ALG5: variants seen among roughly 807,000 people sequenced by gnomAD.
ALG5 encodes dolichyl-phosphate beta-glucosyltransferase.
ALG5 carries 26 observed loss-of-function variants against 51.8 expected under a neutral mutation model. That is an observed-to-expected ratio of 0.50 (90% CI 0.37 to 0.70). The LOEUF is 0.70. Ranked by LOEUF, ALG5 falls within the 30% of genes least tolerant of loss-of-function variation. The pLI, the probability that ALG5 is intolerant of heterozygous loss-of-function variation, is 0.00. For missense variants in ALG5, 311 were observed against 399.3 expected, an observed-to-expected ratio of 0.78 and a Z score of 1.88; for synonymous variants, 141 against 136.1, an observed-to-expected ratio of 1.04 and a Z score of -0.25.
At chr13:36,977,957 G>T (rs1439031818) in intron 6 of ALG5, among the ~76,000 whole-genome samples, 2 of 149,614 alleles carry the variant, frequency 1.3e-5, no homozygotes, top group African/African-American at 4.9e-5. Context: ...CAAGATCTCG[G>T]CTCATTGCAA....
chr13:36,982,076 G>A (rs1387961183), intron 6 of ALG5, among the ~76,000 whole-genome samples: 3 of 152,200 alleles, frequency 2.0e-5, no homozygotes, highest in Admixed American at 6.5e-5. Context: ...GGATGACAAA[G>A]CGAGACTCTG....
At chr13:36,950,298 A>T (rs2058812607) in intron 9 of ALG5, among the ~76,000 whole-genome samples, 1 of 152,214 alleles carries the variant, frequency 6.6e-6, no homozygotes, top group South Asian at 2.1e-4. Flanking sequence ...AAAATTTCAT[A>T]CGGCCCTACT....
At chr13:36,985,531 C>T in intron 6 of ALG5, 96 bp downstream of exon 6, 2 of 891,242 alleles carry the variant, frequency 2.2e-6, no homozygotes, top group Non-Finnish European at 3.4e-6. Context: ...CAAAAACACT[C>T]AGTTTTTAAA....
chr13:36,961,413 C>A (rs555314506), intron 8 of ALG5, among the ~76,000 whole-genome samples: 1 of 152,160 alleles, frequency 6.6e-6, no homozygotes, highest in Non-Finnish European at 1.5e-5. Flanking sequence ...AAAACACTAA[C>A]AACAAAAAAC....
intron 6 of ALG5, among the ~76,000 whole-genome samples, chr13:36,981,150 G>C (rs1342157865): frequency 6.6e-6 from 1 of 151,872 alleles, no homozygotes; most frequent in Admixed American, 6.6e-5. Flanking sequence ...CTTTGTATAA[G>C]AATCATCAGA....
chr13:36,960,529 TTG>T (rs2058861250), intron 8 of ALG5, among the ~76,000 whole-genome samples: 6 of 152,136 alleles, frequency 3.9e-5, no homozygotes, highest in African/African-American at 1.4e-4. Context: ...TATATTATTA[TTG>T]AGACAGGGTC....
chr13:36,995,765 G>C (rs1424624126), intron 1 of ALG5, among the ~76,000 whole-genome samples, 169 bp from the exon 2 acceptor site: 1 of 152,170 alleles, frequency 6.6e-6, no homozygotes, highest in Non-Finnish European at 1.5e-5. Context: ...ACAATAGTGA[G>C]TCCCCTACTT....
chr13:36,985,642 A>T lies in ALG5; in HGVS notation c.546T>A (p.Asp182Glu). 2 of 1,613,090 alleles carry T rather than the reference A, an allele frequency of 1.2e-6. No individual in the cohort carries two copies. Among genetic ancestry groups the T allele is most frequent in the Non-Finnish European group, 1.7e-6 (2 of 1,179,374 alleles). Residue 182 changes from aspartate to glutamate, a missense_variant, in exon 6 of 10, where the codon GAT becomes GAA. Asp to Glu is a conservative substitution (Grantham distance 45). Coordinates refer to ENST00000239891, the MANE Select transcript of ALG5 (RefSeq NM_013338.5). ...DVEKLEKGLN[D>E]LQPWPNQMAI... Reference sequence around the variant, plus strand: ...TTATACTCACAGGCCAAGGCTGTAGATCATTTAGCCCCTTTTCTAATTTCT... The same window carrying T: ...TTATACTCACAGGCCAAGGCTGTAGTTCATTTAGCCCCTTTTCTAATTTCT...
intron 1 of ALG5, among the ~76,000 whole-genome samples, chr13:36,995,854 C>T (rs1348527297): frequency 2.0e-5 from 3 of 152,126 alleles, no homozygotes; most frequent in Non-Finnish European, 4.4e-5. Flanking sequence ...AGTCATCATT[C>T]GCCAGGCCTC....
intron 6 of ALG5, among the ~76,000 whole-genome samples, chr13:36,982,192 T>C (rs148005569): frequency 1.3e-5 from 2 of 152,328 alleles, no homozygotes; most frequent in African/African-American, 4.8e-5. Context: ...TCTGAAGGGC[T>C]GTCACAAAGA....
Position 36,971,979 on chromosome 13 carries a change from G to A in ALG5, c.619C>T (p.Gln207Ter). Residue 207 changes from glutamine (Q) to a stop codon, truncating the protein, a stop_gained and splice_region_variant, in exon 7 of 10, where the codon CAG (glutamine) becomes TAG (stop). Coordinates refer to ENST00000239891, the MANE Select transcript of ALG5 (RefSeq NM_013338.5). LOFTEE classifies it high-confidence loss of function. The part of the protein sequence containing the change: ...RAHLEKESIA[Q>*]RSYFRTLLMY... ...CATGCCAATTAATGAAGTCTCACCT[G>A]AGCAATTGATTCTTTTTCTAAATGA... is the stretch of plus-strand genomic sequence containing the variant. 1 of 1,604,350 alleles carries A rather than the reference G, an allele frequency of 6.2e-7. No individual in the cohort carries two copies. Among genetic ancestry groups the A allele is most frequent in the Non-Finnish European group, 8.5e-7 (1 of 1,174,692 alleles).
At chr13:36,976,662 C>T (rs903269946) in intron 6 of ALG5, among the ~76,000 whole-genome samples, 3 of 151,682 alleles carry the variant, frequency 2.0e-5, no homozygotes, top group South Asian at 2.1e-4. Flanking sequence ...GCAGGAGAAT[C>T]GCTTGAACCT....
intron 8 of ALG5, among the ~76,000 whole-genome samples, chr13:36,963,093 C>T (rs1566058726): frequency 6.6e-6 from 1 of 152,062 alleles, no homozygotes; most frequent in African/African-American, 2.4e-5. Context: ...TACAGGCGTG[C>T]ACACCACCAC....
chr13:36,963,598 GTTTAT>G (rs779319305), intron 8 of ALG5, among the ~76,000 whole-genome samples: 4 of 151,510 alleles, frequency 2.6e-5, no homozygotes, highest in African/African-American at 9.7e-5. Flanking sequence ...TTAACTATGA[GTTTAT>G]TTTATTTTTC....
At chr13:36,997,355 C>A (rs2059055573) in intron 1 of ALG5, among the ~76,000 whole-genome samples, 1 of 150,184 alleles carries the variant, frequency 6.7e-6, no homozygotes, top group South Asian at 2.1e-4. Flanking sequence ...CGCCTGTAAT[C>A]CCAGCTACTC....
At chr13:36,985,602 A>C (rs112410414) in intron 6 of ALG5, 25 bp downstream of exon 6, 15 of 1,547,966 alleles carry the variant, frequency 9.7e-6, no homozygotes, top group African/African-American at 8.2e-5. Flanking sequence ...ACTGAATGTT[A>C]TTTAAACTAC....
rs180785794 is a variant in ALG5 at position 36,979,295 on chromosome 13, C to T, written c.561+6332G>A. On this transcript the variant is annotated intron_variant, in intron 6 of 9. Coordinates refer to ENST00000239891, the MANE Select transcript of ALG5 (RefSeq NM_013338.5). ...TATTACAGGGATGAGCCACTGTGCC[C>T]GGCCACATTTCCTCATTTTAATCAC... 2.5e-4 allele frequency among the ~76,000 whole-genome samples: 38 copies of T among 152,236 alleles called. No individual in the cohort carries two copies. The South Asian group carries it at 6.8e-3, about 27-fold the overall frequency.
At chr13:36,967,890 T>C (rs1306933411) in intron 7 of ALG5, 1 of 885,492 alleles carries the variant, frequency 1.1e-6, no homozygotes, top group East Asian at 6.2e-5. Flanking sequence ...ATTATTCTCC[T>C]TGAGTGATTT....
chr13:36,993,963 AG>A (rs1566068535), intron 3 of ALG5, among the ~76,000 whole-genome samples: 1 of 152,196 alleles, frequency 6.6e-6, no homozygotes, highest in East Asian at 1.9e-4. Flanking sequence ...GTGGTGCTAT[AG>A]CACATTTGAG....
Sources: gnomAD v4.1 joint callset for allele counts (sites outside exome capture counted in the v4.1 genomes callset) on GRCh38, gnomAD v4.1.1 for gene constraint, MANE v1.5 for transcripts, NCBI Gene and HGNC (gene_info 2026-07-23, HGNC 2026-07-21) for gene names.